JAML: variants seen among roughly 807,000 people sequenced by gnomAD.
JAML encodes junction adhesion molecule like.
In JAML, 25 loss-of-function variants were observed where a neutral mutation model predicts 39.3. That is an observed-to-expected ratio of 0.64 (90% confidence interval 0.46 to 0.89). The LOEUF (loss-of-function observed/expected upper bound fraction) is 0.89. Among genes scored for constraint, JAML ranks in the 40% least tolerant of loss-of-function variants. The pLI, the probability that JAML is intolerant of heterozygous loss-of-function variation, is 0.00. For synonymous variants in JAML, 162 were observed against 179.2 expected (o/e 0.90, Z 0.77); for missense variants, 440 against 486.9 (o/e 0.90, Z 0.91).
At chr11:118,208,812 T>C (rs1003727590) in intron 4 of JAML, 3 of 152,338 alleles carry the variant, frequency 2.0e-5, no homozygotes, top group Admixed American at 2.0e-4. Flanking sequence ...TAACGTTAGT[T>C]TGGATATCAT....
intron 1 of JAML, among the ~76,000 whole-genome samples, chr11:118,220,750 C>T (rs1591483024): frequency 6.6e-6 from 1 of 152,212 alleles, no homozygotes; most frequent in Non-Finnish European, 1.5e-5. Context: ...CAGGTAAGTG[C>T]CCTCAGTGCA....
chr11:118,193,743 T>C lies in JAML; in HGVS notation c.*582A>G, dbSNP rs1000906521. ...CACTGAGTTAAATCCCAAAACTGTATTCATACCCTACTTCCAACCCATTCA... is the reference window on the plus strand; with the variant it reads ...CACTGAGTTAAATCCCAAAACTGTACTCATACCCTACTTCCAACCCATTCA... On this transcript the variant is annotated 3_prime_UTR_variant, in exon 10 of 10. Coordinates refer to ENST00000356289, the MANE Select transcript of JAML (RefSeq NM_001098526.2). 1 of 154,096 alleles carries C rather than the reference T, an allele frequency of 6.5e-6. No homozygotes were observed. Among genetic ancestry groups the C allele is most frequent in the African/African-American group, 2.4e-5 (1 of 41,434 alleles). The allele number at this position is 154,096 out of a possible 1,614,324, so 9.5% of individuals were successfully genotyped here. A position where few individuals can be genotyped will look rare whatever the true frequency, so the allele number is the denominator to read the frequency against.
chr11:118,195,134 C>T (rs1948625601), intron 9 of JAML, among the ~76,000 whole-genome samples: 1 of 152,198 alleles, frequency 6.6e-6, no homozygotes, highest in Admixed American at 6.5e-5. Flanking sequence ...TGGCTGGTGA[C>T]CCACTCAGCA....
At chr11:118,212,811 T>C in intron 2 of JAML, 1 of 1,612,928 alleles carries the variant, frequency 6.2e-7, no homozygotes, top group Non-Finnish European at 8.5e-7. Context: ...TCCAGCCCCT[T>C]ACACTTTTCT....
chr11:118,210,803 A>G, intron 3 of JAML, 91 bp from the exon 4 acceptor site: 1 of 1,028,612 alleles, frequency 9.7e-7, no homozygotes, highest in Non-Finnish European at 1.5e-6. Flanking sequence ...GGGGCAGCAG[A>G]GCTATCATCA....
At chr11:118,206,111 A>G in intron 4 of JAML, 120 bp from the exon 5 acceptor site, 1 of 796,552 alleles carries the variant, frequency 1.3e-6, no homozygotes. Flanking sequence ...TGTCACCACC[A>G]AACACTGTAC....
chr11:118,215,515 T>C (rs1204718400), intron 1 of JAML, among the ~76,000 whole-genome samples: 1 of 127,758 alleles, frequency 7.8e-6, no homozygotes. Flanking sequence ...ACACTTGCTA[T>C]TTTTTTTTTT....
intron 8 of JAML, 75 bp from the exon 9 acceptor site, chr11:118,196,896 C>A: frequency 7.7e-7 from 1 of 1,292,550 alleles, no homozygotes; most frequent in South Asian, 1.2e-5. Context: ...GCCACCCACT[C>A]CTATTTGCTA....
rs141877176 is a variant in JAML, at chr11:118,203,435, C to A, written c.765G>T (p.Glu255Asp). The change falls in exon 6 of 10, where the codon GAG becomes GAT. Residue 255 changes from glutamate to aspartate, a missense_variant. Transcript: ENST00000356289. ...KTIVLHVSPE[E>D]PRTLVTPAAL... is the part of the protein sequence containing the mutation. ...CAGCCAAATGTTAGATACTTCGAGG[C>A]TCTTCCGGGCTGACATGCAGCACAA... is the stretch of plus-strand genomic sequence containing the variant. 1 of 1,614,018 alleles carries A rather than the reference C, an allele frequency of 6.2e-7. No homozygotes were observed. The highest frequency in any genetic ancestry group is 1.7e-5 in the Admixed American group (1 of 60,022).
At chr11:118,205,802 C>A in intron 5 of JAML, 80 bp downstream of exon 5, 1 of 1,338,658 alleles carries the variant, frequency 7.5e-7, no homozygotes, top group Non-Finnish European at 1.1e-6. Context: ...GCAACACCTC[C>A]TCATGTGCCT....
At chr11:118,210,453 C>G (rs753724207) in intron 4 of JAML, 34 bp downstream of exon 4, 2 of 1,606,940 alleles carry the variant, frequency 1.2e-6, no homozygotes, top group South Asian at 2.2e-5. Flanking sequence ...AAGCTCTTGC[C>G]CCTTGGCCCC....
intron 2 of JAML, among the ~76,000 whole-genome samples, chr11:118,214,206 G>A (rs1488088050): frequency 2.6e-5 from 4 of 152,210 alleles, no homozygotes; most frequent in Non-Finnish European, 4.4e-5. Context: ...GATGAGCAAC[G>A]AGAAGCTCAG....
intron 1 of JAML, among the ~76,000 whole-genome samples, chr11:118,215,105 ACC>A (rs1949123060): frequency 6.6e-6 from 1 of 152,178 alleles, no homozygotes; most frequent in Non-Finnish European, 1.5e-5. Context: ...ATAAGAAAAT[ACC>A]AGATGTCAAT....
rs1394544820 is a variant in JAML at position 118,203,620 on chromosome 11, C to A, written c.580G>T (p.Glu194Ter). The A allele has an allele frequency of 1.2e-6, 2 of 1,613,962 alleles. No homozygotes were observed. The highest frequency in any genetic ancestry group is 1.3e-5 in the African/African-American group (1 of 74,902). ...AAGTGGCCCCAGCTCTGGGAGTACT[C>A]CACAGACATCCTGAGTTTGTGGTAG... is the stretch of plus-strand genomic sequence containing the variant. The part of the protein sequence containing the change: ...RYYHKLRMSV[E>*]YSQSWGHFQN... The change falls in exon 6 of 10, where the codon GAG (glutamate) becomes TAG (stop). Residue 194 changes from glutamate to a stop codon, truncating the protein, a stop_gained. Transcript: ENST00000356289. LOFTEE classifies it high-confidence loss of function.
At position 118,223,248 on chromosome 11, in the gene JAML, G is replaced by A. The variant is rs77553180; in HGVS notation, c.-21+1693C>T. Among the ~76,000 whole-genome samples the A allele has an allele frequency of 1.9e-3, 286 of 152,148 alleles. 1 individual carries two copies. The highest frequency in any genetic ancestry group is 3.4e-3 in the Non-Finnish European group (228 of 67,988). On this transcript the variant is annotated intron_variant, in intron 1 of 9. Transcript: ENST00000356289. Reference sequence around the variant, plus strand: ...GGATTACTTAGTTTTTCCATAGGTCGAACACTGAAATAAAAGCACACTGAT... The same window carrying A: ...GGATTACTTAGTTTTTCCATAGGTCAAACACTGAAATAAAAGCACACTGAT...
chr11:118,208,723 C>T (rs897909575), intron 4 of JAML, among the ~76,000 whole-genome samples: 1 of 152,206 alleles, frequency 6.6e-6, no homozygotes, highest in Non-Finnish European at 1.5e-5. Flanking sequence ...CTGTGGCTTG[C>T]AAACTTTTAC....
chr11:118,204,738 T>C (rs752515518), intron 5 of JAML: 37 of 152,338 alleles, frequency 2.4e-4, no homozygotes, highest in Admixed American at 1.0e-3. Context: ...TATATACGTC[T>C]TTATTATTTT....
intron 4 of JAML, 132 bp downstream of exon 4, chr11:118,210,354 AT>A (rs1949022486): frequency 1.6e-6 from 1 of 645,118 alleles, no homozygotes; most frequent in African/African-American, 1.8e-5. Flanking sequence ...AATTATGATC[AT>A]TTTTTGAAGA....
At chr11:118,208,121 C>T (rs1200524859) in intron 4 of JAML, among the ~76,000 whole-genome samples, 1 of 151,846 alleles carries the variant, frequency 6.6e-6, no homozygotes, top group Non-Finnish European at 1.5e-5. Context: ...GACCTAGCTA[C>T]TCGGGAAGTT....
Sources: allele counts gnomAD v4.1 joint callset (sites outside exome capture counted in the v4.1 genomes callset), GRCh38; gene constraint gnomAD v4.1.1; transcripts MANE v1.5; gene names NCBI Gene and HGNC (gene_info 2026-07-23, HGNC 2026-07-21).